The following KCTD10 variants were observed in gnomAD, a reference collection of about 807,000 sequenced individuals.
KCTD10 encodes the protein potassium channel tetramerization domain containing 10, also known as BTB/POZ domain-containing adapter for CUL3-mediated RhoA degradation protein 3.
KCTD10 carries 13 observed loss-of-function variants against 34.6 expected under a neutral mutation model. That is an observed-to-expected ratio of 0.38 (90% CI 0.24 to 0.60). The LOEUF is 0.60. KCTD10 is among the 20% of genes least tolerant of loss of function. The pLI is 0.66. For synonymous variants in KCTD10, 156 were observed against 168.8 expected (o/e 0.92, Z 0.59); for missense variants, 256 against 420.3 (o/e 0.61, Z 3.42).
In KCTD10 at chr12:109,449,932, T is replaced by TA. The variant is rs1265407994; in HGVS notation, c.*1662dup. 9.4e-6 allele frequency: 2 copies of TA among 212,156 alleles called. No individual in the cohort carries two copies. The highest frequency in any genetic ancestry group is 1.9e-5 in the Non-Finnish European group (2 of 107,662). The allele number at this position is 212,156 out of a possible 1,614,324, so 13.1% of individuals were successfully genotyped here. Reference sequence around the variant, plus strand: ...TATAAAAGTTTCTCACACGACAGTTTAAAAAGCATCTGCCCAATACACGAT... The same window carrying TA: ...TATAAAAGTTTCTCACACGACAGTTTAAAAAAGCATCTGCCCAATACACGAT... On this transcript the variant is annotated 3_prime_UTR_variant, in exon 7 of 7. Transcript: ENST00000228495.
At chr12:109,472,295 A>G (rs1261919282) in intron 1 of KCTD10, among the ~76,000 whole-genome samples, 1 of 151,626 alleles carries the variant, frequency 6.6e-6, no homozygotes, top group Non-Finnish European at 1.5e-5. Context: ...CTCTTTTTTT[A>G]CTTTTTAAAC....
intron 2 of KCTD10, among the ~76,000 whole-genome samples, chr12:109,464,115 A>T (rs551525512): frequency 2.0e-4 from 30 of 151,124 alleles, no homozygotes; most frequent in Non-Finnish European, 3.7e-4. Context: ...CTCTCCCACC[A>T]CCTCCAGGGA....
chr12:109,464,046 C>T (rs1314691148), intron 2 of KCTD10, among the ~76,000 whole-genome samples: 1 of 152,182 alleles, frequency 6.6e-6, no homozygotes, highest in Non-Finnish European at 1.5e-5. Context: ...CCCTCCTCCC[C>T]GCCCCGTGAG....
At chr12:109,463,122 G>GA (rs1406896592) in intron 2 of KCTD10, among the ~76,000 whole-genome samples, 1 of 152,136 alleles carries the variant, frequency 6.6e-6, no homozygotes, top group Admixed American at 6.5e-5. Flanking sequence ...CACCAGAATT[G>GA]AAAAGATAAA....
At chr12:109,470,193 T>C (rs1299652929) in intron 1 of KCTD10, 2 of 988,990 alleles carry the variant, frequency 2.0e-6, no homozygotes, top group African/African-American at 1.7e-5. Context: ...CTTATTGCCA[T>C]GTACCACTCA....
At chr12:109,465,131 G>A (rs1440162344) in intron 2 of KCTD10, among the ~76,000 whole-genome samples, 3 of 152,132 alleles carry the variant, frequency 2.0e-5, no homozygotes, top group Non-Finnish European at 4.4e-5. Flanking sequence ...AGCGTTCAAG[G>A]ATGTTCACAT....
At chr12:109,473,606 C>A (rs1874000042) in intron 1 of KCTD10, among the ~76,000 whole-genome samples, 1 of 152,146 alleles carries the variant, frequency 6.6e-6, no homozygotes, top group Non-Finnish European at 1.5e-5. Context: ...CTCACCCTCT[C>A]CAAAGGTCAG....
rs114677905 is a variant in KCTD10 at position 109,460,738 on chromosome 12, C to T, written c.285G>A (p.Ala95=). 1.0e-3 allele frequency: 1,621 copies of T among 1,614,158 alleles called. 11 individuals are homozygous for T. The African/African-American group carries it at 0.019, about 19-fold the overall frequency. Residue 95 remains alanine (A), a synonymous_variant, in exon 3 of 7, where the codon GCG becomes GCA. Transcript: ENST00000228495. The surrounding 1 kb of genome is among the most constrained non-coding windows in gnomAD (Gnocchi z 4.5). ...GTILNYLRDG[A]VPLPESRREI... is the part of the protein sequence containing the mutation. ...CCCGGCGGCTCTCGGGTAAAGGCAC[C>T]GCCCCGTCTCGAAGGTAGTTGAGTA...
At position 109,451,811 on chromosome 12, in the gene KCTD10, C is replaced by T. The variant is rs1485575229; in HGVS notation, c.726G>A (p.Val242=). ...VYATEKKQTK[V]EFPEARIYEE... is the part of the protein sequence containing the mutation. ...CATAAATCCGGGCTTCGGGAAACTCCACCTGTGTTCCCACAGTATACAGGG... is the reference window on the plus strand; with the variant it reads ...CATAAATCCGGGCTTCGGGAAACTCTACCTGTGTTCCCACAGTATACAGGG... The change falls in exon 7 of 7, where the codon GTG becomes GTA. Residue 242 remains valine, a splice_region_variant and synonymous_variant. Transcript: ENST00000228495. This position sits in a 1 kb window ranked among gnomAD's most constrained non-coding sequence, Gnocchi z 5.0. The T allele has an allele frequency of 1.9e-6, 3 of 1,612,862 alleles. No individual in the cohort carries two copies. The highest frequency in any genetic ancestry group is 2.5e-6 in the Non-Finnish European group (3 of 1,179,338).
intron 1 of KCTD10, chr12:109,471,273 G>A: frequency 3.0e-6 from 3 of 985,442 alleles, no homozygotes; most frequent in Non-Finnish European, 3.6e-6. Context: ...CAACGCGACA[G>A]TCATGGACAA....
chr12:109,463,902 T>C (rs1201492217), intron 2 of KCTD10, among the ~76,000 whole-genome samples: 1 of 152,214 alleles, frequency 6.6e-6, no homozygotes, highest in Admixed American at 6.5e-5. Flanking sequence ...TCTTTCATCA[T>C]TATTGCTGGA....
At chr12:109,471,660 G>A (rs1873892325) in intron 1 of KCTD10, among the ~76,000 whole-genome samples, 1 of 152,100 alleles carries the variant, frequency 6.6e-6, no homozygotes, top group South Asian at 2.1e-4. Flanking sequence ...GGGATGACAG[G>A]AGTAGCTTAT....
Position 109,469,553 on chromosome 12 carries a change from A to G in KCTD10, c.179T>C (p.Met60Thr). 6.2e-7 allele frequency: 1 copy of G among 1,614,218 alleles called. No individual in the cohort carries two copies. Among genetic ancestry groups the G allele is most frequent in the Non-Finnish European group, 8.5e-7 (1 of 1,180,034 alleles). The change falls in exon 2 of 7, where the codon ATG (methionine) becomes ACG (threonine). Residue 60 changes from methionine (M) to threonine (T), a missense_variant. Met to Thr is a moderately conservative substitution (Grantham distance 81, BLOSUM62 -1). Coordinates refer to ENST00000228495, the MANE Select transcript of KCTD10 (RefSeq NM_031954.5). ...LTKQDTMLKAMFSGRMEVLTD... is the reference protein window; with the variant it reads ...LTKQDTMLKATFSGRMEVLTD... ...GAGCACTTCCATGCGCCCGCTGAAC[A>G]TGGCCTTCAGCATGGTGTCCTGCTT...
chr12:109,457,374 C>T (rs534388630), intron 5 of KCTD10: 45 of 382,214 alleles, frequency 1.2e-4, no homozygotes, highest in African/African-American at 8.5e-4. Flanking sequence ...GTTATGGCCT[C>T]ACAACTTGTG....
At position 109,477,269 on chromosome 12, in the gene KCTD10, T is replaced by G. The variant is rs1248862641; in HGVS notation, c.-7A>C. 6.2e-7 allele frequency: 1 copy of G among 1,613,746 alleles called. No homozygotes were observed. Among genetic ancestry groups the G allele is most frequent in the Admixed American group, 1.7e-5 (1 of 59,976 alleles). Reference sequence around the variant, plus strand: ...GCACCGCCCTCCCTACCATGAAAAGTCGGAGGACGCAGGAGTCTCCAAACC... The same window carrying G: ...GCACCGCCCTCCCTACCATGAAAAGGCGGAGGACGCAGGAGTCTCCAAACC... On this transcript the variant is annotated 5_prime_UTR_variant, in exon 1 of 7. Transcript: ENST00000228495.
At chr12:109,469,472 C>T (rs370555225) in intron 2 of KCTD10, 43 bp downstream of exon 2, 28 of 1,602,698 alleles carry the variant, frequency 1.7e-5, no homozygotes, top group Non-Finnish European at 2.4e-5. Flanking sequence ...TCCTTGACCA[C>T]ATAACGCATG....
rs754231823 is a variant in KCTD10 at position 109,451,755 on chromosome 12, G to A, written c.782C>T (p.Ala261Val). Residue 261 changes from alanine to valine, a missense_variant, in exon 7 of 7, where the codon GCC becomes GTC. Physicochemically the swap from Ala to Val is moderately conservative, Grantham distance 64. Coordinates refer to ENST00000228495, the MANE Select transcript of KCTD10 (RefSeq NM_031954.5). The surrounding 1 kb of genome is among the most constrained non-coding windows in gnomAD (Gnocchi z 5.0). ...EETLNILLYE[A>V]QDGRGPDNAL... ...ATTGTCAGGTCCCCGGCCATCCTGG[G>A]CCTCATACAGCAAAATGTTCAGGGT... The A allele has an allele frequency of 1.1e-5, 18 of 1,614,004 alleles. No individual in the cohort carries two copies. Among genetic ancestry groups the A allele is most frequent in the Non-Finnish European group, 1.4e-5 (17 of 1,180,026 alleles).
At chr12:109,453,568 G>C (rs1351102602) in intron 6 of KCTD10, among the ~76,000 whole-genome samples, 1 of 152,174 alleles carries the variant, frequency 6.6e-6, no homozygotes, top group African/African-American at 2.4e-5. Context: ...TCAAAACTCT[G>C]AGGGAAGGAA....
In KCTD10 at chr12:109,455,700, C is replaced by T. The variant is rs188886778; in HGVS notation, c.723+418G>A. Reference sequence around the variant, plus strand: ...TAAAAGTTTAAAAAGACAGAAAACCCAATTGCAGAGCCCCAAAAGGGCAGG... The same window carrying T: ...TAAAAGTTTAAAAAGACAGAAAACCTAATTGCAGAGCCCCAAAAGGGCAGG... On this transcript the variant is annotated intron_variant, in intron 6 of 6. Coordinates refer to ENST00000228495, the MANE Select transcript of KCTD10 (RefSeq NM_031954.5). Among the ~76,000 whole-genome samples the T allele has an allele frequency of 1.5e-3, 235 of 152,282 alleles. 4 individuals are homozygous for T. Among genetic ancestry groups the T allele is most frequent in the South Asian group, 0.012 (58 of 4,824 alleles).
Sources: gnomAD v4.1 joint callset for allele counts (sites outside exome capture counted in the v4.1 genomes callset) on GRCh38, gnomAD v4.1.1 for gene constraint, Gnocchi (gnomAD v3.1) non-coding constraint, MANE v1.5 for transcripts, NCBI Gene and HGNC (gene_info 2026-07-23, HGNC 2026-07-21) for gene names.